SKI: variants seen among roughly 807,000 people sequenced by gnomAD.
The protein encoded by SKI is ski oncogene.
Under a neutral mutation model 59.3 loss-of-function variants are expected in SKI, and 23 were observed. The ratio of observed to expected loss-of-function variants is 0.39; its 90% confidence interval spans 0.28 to 0.55. The LOEUF is 0.55. SKI is among the 20% of genes least tolerant of loss of function. The pLI is 0.67. For missense variants in SKI, 1,017 were observed against 1,038.9 expected (o/e 0.98, Z 0.29); for synonymous variants, 673 against 488.6 (o/e 1.38, Z -4.98).
At position 2,309,665 on chromosome 1, in the gene SKI, G is replaced by GC. The variant is rs569571796; in HGVS notation, c.*2908dup. On this transcript the variant is annotated 3_prime_UTR_variant, in exon 7 of 7. Coordinates refer to ENST00000378536, the MANE Select transcript of SKI (RefSeq NM_003036.4). ...CTCCTCCCTGTGGGTCTGAGCCCCG[G>GC]CCCCCCCCACCTCCTCCTCCCTGTG... The GC allele has an allele frequency of 3.0e-4, 33 of 110,452 alleles. No individual in the cohort carries two copies. The highest frequency in any genetic ancestry group is 6.5e-4 in the African/African-American group (18 of 27,860). 6.8% of individuals were successfully genotyped at this position (110,452 alleles called of 1,614,324 possible). A position where few individuals can be genotyped will look rare whatever the true frequency, so the allele number is the denominator to read the frequency against.
In SKI at chr1:2,257,297, A is replaced by G. The variant is rs182155135; in HGVS notation, c.969+27562A>G. ...AAAGGGGCATTTCCCCACATTGCCA[A>G]TTCTTGACCATCTGGTCACGTCAAG... On this transcript the variant is annotated intron_variant, in intron 1 of 6. Coordinates refer to ENST00000378536, the MANE Select transcript of SKI (RefSeq NM_003036.4). Among the ~76,000 whole-genome samples, 500 of 152,370 alleles carry G rather than the reference A, an allele frequency of 3.3e-3. 3 individuals carry two copies. Among genetic ancestry groups the G allele is most frequent in the Non-Finnish European group, 5.6e-3 (379 of 68,038 alleles).
chr1:2,237,599 G>A (rs1476444048), intron 1 of SKI, among the ~76,000 whole-genome samples: 1 of 152,248 alleles, frequency 6.6e-6, no homozygotes, highest in African/African-American at 2.4e-5. Flanking sequence ...AGGCTGACTG[G>A]GGGCACAGTT....
At position 2,303,843 on chromosome 1, in the gene SKI, C is replaced by G. The variant is rs2100918174; in HGVS notation, c.1215C>G (p.Phe405Leu). The change falls in exon 4 of 7, where the codon TTC becomes TTG. Residue 405 changes from phenylalanine (F) to leucine (L), a missense_variant. Phe to Leu is a conservative substitution (Grantham distance 22). Coordinates refer to ENST00000378536, the MANE Select transcript of SKI (RefSeq NM_003036.4). The surrounding 1 kb of genome is among the most constrained non-coding windows in gnomAD (Gnocchi z 5.6). The stretch of plus-strand genomic sequence containing the variant: ...CGACACCCGCCTGCCCCTCCAGCTT[C>G]TACTCCTACAAGAGCTTTGAGACAG... ...PHLPALIRDSFYSYKSFETAV... is the reference protein window; with the variant it reads ...PHLPALIRDSLYSYKSFETAV... The G allele has an allele frequency of 4.3e-6, 7 of 1,612,536 alleles. No individual in the cohort carries two copies. Among genetic ancestry groups the G allele is most frequent in the African/African-American group, 1.3e-5 (1 of 75,038 alleles).
chr1:2,282,684 G>A (rs1639920384), intron 1 of SKI, among the ~76,000 whole-genome samples: 1 of 152,200 alleles, frequency 6.6e-6, no homozygotes. Flanking sequence ...TAGGGCCTGG[G>A]TAGGGGCTGC....
At chr1:2,237,723 T>C (rs1350963502) in intron 1 of SKI, among the ~76,000 whole-genome samples, 1 of 152,240 alleles carries the variant, frequency 6.6e-6, no homozygotes, top group Non-Finnish European at 1.5e-5. Flanking sequence ...CTTGGTTTCT[T>C]TTTTTGGAAA....
chr1:2,232,252 C>T (rs1638654720), intron 1 of SKI, among the ~76,000 whole-genome samples: 1 of 152,244 alleles, frequency 6.6e-6, no homozygotes. Flanking sequence ...ACTCTCTTTG[C>T]AGGGCTGCTG....
At position 2,258,409 on chromosome 1, in the gene SKI, ACAG is replaced by A. The variant is rs1173744666; in HGVS notation, c.969+28678_969+28680del. Among the ~76,000 whole-genome samples the A allele has an allele frequency of 2.0e-5, 3 of 152,044 alleles. No individual in the cohort carries two copies. In the East Asian group the frequency reaches 5.8e-4, roughly 29 times the overall value. On this transcript the variant is annotated intron_variant, in intron 1 of 6. Transcript: ENST00000378536. The stretch of plus-strand genomic sequence containing the variant: ...GAGCGTGCTACGGCGTCATGGAAGA[ACAG>A]CAGAGGCGTTTGAGAATTGTGTTTT...
At chr1:2,287,764 G>A (rs1037723786) in intron 1 of SKI, among the ~76,000 whole-genome samples, 5 of 152,128 alleles carry the variant, frequency 3.3e-5, no homozygotes, top group Admixed American at 6.5e-5. Flanking sequence ...GCCGTGAGAT[G>A]GATGGATTCC....
chr1:2,269,529 A>G lies in SKI; in HGVS notation c.970-33449A>G, dbSNP rs542682757. The stretch of plus-strand genomic sequence containing the variant: ...TGCAGGCTGGGTTCATCCCCGTTCC[A>G]GGCCCGCACTAGTGGCGCCTGGTTA... On this transcript the variant is annotated intron_variant, in intron 1 of 6. Transcript: ENST00000378536. This position sits in a 1 kb window ranked among gnomAD's most constrained non-coding sequence, Gnocchi z 4.7. Among the ~76,000 whole-genome samples the G allele has an allele frequency of 8.5e-5, 13 of 152,350 alleles. No individual in the cohort carries two copies. The East Asian group carries it at 2.5e-3, about 29-fold the overall frequency.
intron 1 of SKI, among the ~76,000 whole-genome samples, chr1:2,292,673 C>A (rs892144004): frequency 6.6e-6 from 1 of 152,182 alleles, no homozygotes; most frequent in Non-Finnish European, 1.5e-5. Context: ...TGGACATGAC[C>A]CTTGCCTAAG....
At position 2,309,885 on chromosome 1, in the gene SKI, C is replaced by T. The variant is rs1407468515; in HGVS notation, c.*3120C>T. ...GCCCCCCCACCCCTCCCTCAGCCCACCAGGGTCCAGGGAGATGTTCGTTCT... is the reference window on the plus strand; with the variant it reads ...GCCCCCCCACCCCTCCCTCAGCCCATCAGGGTCCAGGGAGATGTTCGTTCT... On this transcript the variant is annotated 3_prime_UTR_variant, in exon 7 of 7. Transcript: ENST00000378536. 19 of 118,322 alleles carry T rather than the reference C, an allele frequency of 1.6e-4. No individual in the cohort carries two copies. Among genetic ancestry groups the T allele is most frequent in the African/African-American group, 5.5e-4 (16 of 29,324 alleles). 7.3% of individuals were successfully genotyped at this position (118,322 alleles called of 1,614,324 possible).
chr1:2,295,740 CTG>C (rs1640270984), intron 1 of SKI, among the ~76,000 whole-genome samples: 1 of 151,376 alleles, frequency 6.6e-6, no homozygotes, highest in Admixed American at 6.6e-5. Context: ...CCACGTGTGA[CTG>C]TGTGTGTCCG....
At chr1:2,234,104 C>T (rs768941308) in intron 1 of SKI, among the ~76,000 whole-genome samples, 3 of 152,214 alleles carry the variant, frequency 2.0e-5, no homozygotes, top group Admixed American at 1.3e-4. Flanking sequence ...CCAGGGTCTG[C>T]GGGTTTGGGC....
At chr1:2,305,394 C>A (rs1640544197) in intron 5 of SKI, among the ~76,000 whole-genome samples, 1 of 152,204 alleles carries the variant, frequency 6.6e-6, no homozygotes, top group South Asian at 2.1e-4. Context: ...CACAACACAA[C>A]CCCGTCGGCC....
At chr1:2,306,444 C>A in intron 6 of SKI, 133 bp from the exon 7 acceptor site, 2 of 1,046,032 alleles carry the variant, frequency 1.9e-6, no homozygotes, top group Non-Finnish European at 2.7e-6. Flanking sequence ...TGTGTCCTAG[C>A]AGGTGGAGGA....
chr1:2,283,606 C>G (rs756488655), intron 1 of SKI, among the ~76,000 whole-genome samples: 118 of 152,338 alleles, frequency 7.7e-4, no homozygotes, highest in Admixed American at 2.2e-3. Context: ...TCTGTGTCTC[C>G]ATGTTCAGGA....
At chr1:2,253,865 G>A (rs187077372) in intron 1 of SKI, among the ~76,000 whole-genome samples, 86 of 152,306 alleles carry the variant, frequency 5.6e-4, no homozygotes, top group African/African-American at 1.9e-3. Flanking sequence ...GCCGGGCATC[G>A]ATGCTGGACT....
At chr1:2,261,883 C>A (rs1639394997) in intron 1 of SKI, among the ~76,000 whole-genome samples, 1 of 147,600 alleles carries the variant, frequency 6.8e-6, no homozygotes, top group African/African-American at 2.5e-5. Context: ...CACTCCTGAT[C>A]TCCTGGTCTG....
intron 1 of SKI, among the ~76,000 whole-genome samples, chr1:2,284,826 G>T (rs559251984): frequency 6.6e-6 from 1 of 152,182 alleles, no homozygotes; most frequent in South Asian, 2.1e-4. Context: ...TGGGGGCCCC[G>T]GTGGCTGGAG....
Sources: allele counts gnomAD v4.1 joint callset (sites outside exome capture counted in the v4.1 genomes callset), GRCh38; gene constraint gnomAD v4.1.1; non-coding constraint Gnocchi (gnomAD v3.1); transcripts MANE v1.5; gene names NCBI Gene and HGNC (gene_info 2026-07-23, HGNC 2026-07-21).